Variants in LTBP1 observed in about 807,000 individuals in gnomAD.
The protein encoded by LTBP1 is latent-transforming growth factor beta-binding protein 1.
Under a neutral mutation model 207.6 loss-of-function variants are expected in LTBP1, and 129 were observed. The ratio of observed to expected loss-of-function variants is 0.62; its 90% CI spans 0.54 to 0.72. LTBP1 has a LOEUF of 0.72. LTBP1 is among the 30% of genes least tolerant of loss of function. LTBP1 has a pLI of 0.00. For synonymous variants in LTBP1, 963 were observed against 833.7 expected, an observed-to-expected ratio of 1.16 and a Z score of -2.67; for missense variants, 2,281 against 2,217.2, an observed-to-expected ratio of 1.03 and a Z score of -0.58.
chr2:33,024,691 G>T (rs1322609917), intron 3 of LTBP1, among the ~76,000 whole-genome samples: 1 of 152,210 alleles, frequency 6.6e-6, no homozygotes, highest in Non-Finnish European at 1.5e-5. Flanking sequence ...GAAGGTGTCT[G>T]TGAAAAGATG....
At chr2:33,289,693 T>G (rs1332849775) in intron 19 of LTBP1, among the ~76,000 whole-genome samples, 1 of 152,176 alleles carries the variant, frequency 6.6e-6, no homozygotes, top group African/African-American at 2.4e-5. Flanking sequence ...TCAACACTGT[T>G]TTTTATTATA....
chr2:33,123,632 C>G (rs747311964), intron 4 of LTBP1, among the ~76,000 whole-genome samples: 3 of 152,278 alleles, frequency 2.0e-5, no homozygotes, highest in Middle Eastern at 3.4e-3. Flanking sequence ...CAAGAAAATA[C>G]AAACAGATGT....
At chr2:33,341,727 A>ATATATAT (rs1285574448) in intron 24 of LTBP1, among the ~76,000 whole-genome samples, 5 of 89,614 alleles carry the variant, frequency 5.6e-5, no homozygotes, top group South Asian at 4.1e-4. Flanking sequence ...AAAAAAAAAA[A>ATATATAT]AAATATATAT....
At chr2:33,260,811 C>G (rs950366373) in intron 13 of LTBP1, among the ~76,000 whole-genome samples, 9 of 152,122 alleles carry the variant, frequency 5.9e-5, no homozygotes, top group Admixed American at 5.9e-4. Context: ...TGTAGGTGGG[C>G]CAGCCAGCAT....
chr2:33,215,718 T>TTG (rs1553456668), intron 7 of LTBP1, among the ~76,000 whole-genome samples: 11 of 143,960 alleles, frequency 7.6e-5, no homozygotes, highest in African/African-American at 2.9e-4. Flanking sequence ...TTTCTTTTGT[T>TTG]TTTTGTTTTT....
chr2:33,289,729 CCT>C (rs2093736940), intron 19 of LTBP1, among the ~76,000 whole-genome samples: 2 of 152,198 alleles, frequency 1.3e-5, no homozygotes, highest in African/African-American at 2.4e-5. Flanking sequence ...AACGCAAAGG[CCT>C]GTTGAACTCA....
chr2:33,197,225 C>T (rs1271068119), intron 7 of LTBP1, among the ~76,000 whole-genome samples: 1 of 152,196 alleles, frequency 6.6e-6, no homozygotes, highest in African/African-American at 2.4e-5. Flanking sequence ...GGGTGACAGA[C>T]AGGAGTGGTT....
chr2:33,010,659 C>G (rs1687557207), intron 2 of LTBP1, among the ~76,000 whole-genome samples: 1 of 150,448 alleles, frequency 6.6e-6, no homozygotes, highest in African/African-American at 2.4e-5. Flanking sequence ...TATTATGTAT[C>G]AATTAAAAAA....
intron 4 of LTBP1, among the ~76,000 whole-genome samples, chr2:33,122,527 A>T (rs1245860551): frequency 6.6e-6 from 1 of 152,186 alleles, no homozygotes; most frequent in African/African-American, 2.4e-5. Context: ...CCAAACAGGG[A>T]TGATGTTGAC....
At chr2:33,021,679 C>T (rs907549457) in intron 3 of LTBP1, among the ~76,000 whole-genome samples, 1 of 152,188 alleles carries the variant, frequency 6.6e-6, no homozygotes, top group African/African-American at 2.4e-5. Context: ...GAGAATTTCT[C>T]AACCTCAGTA....
At chr2:33,344,707 A>G (rs1416070826) in intron 25 of LTBP1, among the ~76,000 whole-genome samples, 1 of 152,226 alleles carries the variant, frequency 6.6e-6, no homozygotes, top group Non-Finnish European at 1.5e-5. Flanking sequence ...AATAATGGGT[A>G]TACCACCTGC....
At chr2:33,111,409 A>G (rs2080392086) in intron 4 of LTBP1, among the ~76,000 whole-genome samples, 1 of 152,236 alleles carries the variant, frequency 6.6e-6, no homozygotes, top group South Asian at 2.1e-4. Flanking sequence ...CAGCCCATCC[A>G]AAGGCGAGAG....
intron 5 of LTBP1, among the ~76,000 whole-genome samples, chr2:33,170,459 C>T (rs1298048513): frequency 1.3e-5 from 2 of 152,212 alleles, no homozygotes; most frequent in Non-Finnish European, 2.9e-5. Flanking sequence ...GGGAGGGGCG[C>T]CCGCCATTGC....
In LTBP1 at chr2:33,328,035, T is replaced by A. The variant is rs148415017; in HGVS notation, c.3730+12766T>A. ...CTGTAATCTCAGCTACTTGGGAGGC[T>A]GAGGCAGGAGAATTGCTTGAAACCG... On this transcript the variant is annotated intron_variant, in intron 24 of 33. Transcript: ENST00000404816. Among the ~76,000 whole-genome samples, 864 of 151,820 alleles carry A rather than the reference T, an allele frequency of 5.7e-3. 10 individuals carry two copies. Among genetic ancestry groups the A allele is most frequent in the African/African-American group, 0.02 (824 of 41,356 alleles).
intron 2 of LTBP1, among the ~76,000 whole-genome samples, chr2:32,957,125 T>G (rs1678208789): frequency 6.6e-6 from 1 of 152,224 alleles, no homozygotes; most frequent in Non-Finnish European, 1.5e-5. Flanking sequence ...TTTAGATTGG[T>G]AAATTAGCTT....
Position 32,947,727 on chromosome 2 carries a change from G to C in LTBP1, c.403G>C (p.Gly135Arg), listed in dbSNP as rs770052002. The C allele has an allele frequency of 1.3e-6, 2 of 1,536,906 alleles. No homozygotes were observed. The highest frequency in any genetic ancestry group is 8.7e-7 in the Non-Finnish European group (1 of 1,143,344). The change falls in exon 1 of 34, where the codon GGC becomes CGC. Residue 135 changes from glycine to arginine, a missense_variant. Around this residue, in one of 3 missense-constraint regions of LTBP1, gnomAD observed 555 missense variants for 491.0 expected, o/e 1.13. Coordinates refer to ENST00000404816, the MANE Select transcript of LTBP1 (RefSeq NM_206943.4). Reference protein sequence around the residue: ...HPAAAPFTKQGRQVVRSKVPQ... With the variant: ...HPAAAPFTKQRRQVVRSKVPQ... Reference sequence around the variant, plus strand: ...GGCAGCCGCCCCGTTCACCAAACAAGGCAGGCAAGTTGTGCGCTCCAAGGT... The same window carrying C: ...GGCAGCCGCCCCGTTCACCAAACAACGCAGGCAAGTTGTGCGCTCCAAGGT...
Position 33,098,658 on chromosome 2 carries a change from C to G in LTBP1, c.864-11924C>G, listed in dbSNP as rs541374530. Among the ~76,000 whole-genome samples the G allele has an allele frequency of 1.1e-4, 16 of 152,048 alleles. 1 individual carries two copies. In the East Asian group the frequency reaches 2.9e-3, roughly 28 times the overall value. ...TTTCACCTGTTGGCCAGGCTGGTCT[C>G]GAACTCCTGACCTCAGGTAATCCGC... On this transcript the variant is annotated intron_variant, in intron 3 of 33. Coordinates refer to ENST00000404816, the MANE Select transcript of LTBP1 (RefSeq NM_206943.4).
At chr2:33,234,868 C>A (rs1376128444) in intron 9 of LTBP1, among the ~76,000 whole-genome samples, 1 of 151,980 alleles carries the variant, frequency 6.6e-6, no homozygotes, top group Non-Finnish European at 1.5e-5. Context: ...AGAAACTGGA[C>A]CCCTTCCTCA....
At chr2:33,036,044 G>T (rs1363461074) in intron 3 of LTBP1, among the ~76,000 whole-genome samples, 1 of 152,046 alleles carries the variant, frequency 6.6e-6, no homozygotes, top group Non-Finnish European at 1.5e-5. Flanking sequence ...TTTAGTTTTT[G>T]ACTTTTAAAC....
Sources: allele counts gnomAD v4.1 joint callset (sites outside exome capture counted in the v4.1 genomes callset), GRCh38; gene constraint gnomAD v4.1.1; regional missense constraint gnomAD v4.1.1; transcripts MANE v1.5; gene names NCBI Gene and HGNC (gene_info 2026-07-23, HGNC 2026-07-21).